Variants in GPC6 observed in about 807,000 individuals in gnomAD.
GPC6 encodes glypican-6.
Under a neutral mutation model 55.2 loss-of-function variants are expected in GPC6, and 14 were observed. The ratio of observed to expected loss-of-function variants is 0.25; its 90% CI spans 0.17 to 0.40. The LOEUF is 0.40. GPC6 is among the 10% of genes least tolerant of loss of function. The pLI is 1.00. For synonymous variants in GPC6, 278 were observed against 259.6 expected, an observed-to-expected ratio of 1.07 and a Z score of -0.68; for missense variants, 641 against 708.5, an observed-to-expected ratio of 0.90 and a Z score of 1.08.
chr13:93,906,140 A>G (rs1876653339), intron 3 of GPC6, among the ~76,000 whole-genome samples: 3 of 152,198 alleles, frequency 2.0e-5, no homozygotes, highest in Non-Finnish European at 1.5e-5. Flanking sequence ...TGGACCCACA[A>G]AAAGTTTGTC....
chr13:93,530,615 C>T (rs911808654), intron 1 of GPC6, among the ~76,000 whole-genome samples: 3 of 151,764 alleles, frequency 2.0e-5, no homozygotes, highest in Admixed American at 1.3e-4. Context: ...TTGTGAGAAC[C>T]GATTGTTAAA....
intron 3 of GPC6, among the ~76,000 whole-genome samples, chr13:93,852,458 A>G (rs1888439298): frequency 1.3e-5 from 2 of 151,712 alleles, no homozygotes; most frequent in African/African-American, 4.8e-5. Context: ...CGAAATAAGC[A>G]CTCCAAATAA....
At chr13:93,708,601 A>T (rs1055753567) in intron 2 of GPC6, among the ~76,000 whole-genome samples, 1 of 151,768 alleles carries the variant, frequency 6.6e-6, no homozygotes, top group African/African-American at 2.4e-5. Context: ...TGAGTGTCCA[A>T]TTCACAGTGT....
chr13:94,247,574 G>T (rs982058160), intron 4 of GPC6, among the ~76,000 whole-genome samples: 4 of 152,020 alleles, frequency 2.6e-5, no homozygotes, highest in Non-Finnish European at 5.9e-5. Flanking sequence ...GTTGAACTTT[G>T]TTACATATTT....
intron 1 of GPC6, among the ~76,000 whole-genome samples, chr13:93,262,250 A>G (rs762372572): frequency 2.6e-5 from 4 of 152,164 alleles, no homozygotes; most frequent in Non-Finnish European, 5.9e-5. Context: ...TTTTGGAAAT[A>G]ATGGCTTCAG....
chr13:94,111,472 ATATAAT>A (rs1444982779), intron 4 of GPC6, among the ~76,000 whole-genome samples: 1 of 64,182 alleles, frequency 1.6e-5, no homozygotes, highest in Non-Finnish European at 2.8e-5. Context: ...CTTAAAGTAA[ATATAAT>A]AATAATAATA....
chr13:94,330,471 G>C (rs968775740), intron 6 of GPC6, among the ~76,000 whole-genome samples: 3 of 152,176 alleles, frequency 2.0e-5, no homozygotes, highest in Non-Finnish European at 4.4e-5. Flanking sequence ...TATTTGGAAA[G>C]CTTCCTAAAG....
intron 3 of GPC6, among the ~76,000 whole-genome samples, chr13:93,935,240 A>C (rs1020470540): frequency 2.0e-5 from 3 of 152,130 alleles, no homozygotes; most frequent in African/African-American, 7.2e-5. Context: ...CCCAAAAGAT[A>C]ATTTTTCAAC....
intron 3 of GPC6, among the ~76,000 whole-genome samples, chr13:93,868,380 A>G (rs1194876234): frequency 1.3e-5 from 2 of 151,790 alleles, no homozygotes; most frequent in Admixed American, 6.6e-5. Flanking sequence ...TCTTTTATTA[A>G]GTTAATAATA....
At chr13:93,880,214 G>A (rs1874872003) in intron 3 of GPC6, among the ~76,000 whole-genome samples, 1 of 150,750 alleles carries the variant, frequency 6.6e-6, no homozygotes, top group Admixed American at 6.6e-5. Context: ...CCCATTACTG[G>A]GTATATACCC....
chr13:93,382,263 T>C (rs979017903), intron 1 of GPC6, among the ~76,000 whole-genome samples: 1 of 152,322 alleles, frequency 6.6e-6, no homozygotes, highest in South Asian at 2.1e-4. Context: ...TCTTGAATCC[T>C]AGAAATGATA....
chr13:93,290,791 A>T (rs1162810520), intron 1 of GPC6, among the ~76,000 whole-genome samples: 2 of 152,166 alleles, frequency 1.3e-5, no homozygotes, highest in Non-Finnish European at 2.9e-5. Context: ...TCTATACATG[A>T]TATGGTCCTA....
At position 93,337,497 on chromosome 13, in the gene GPC6, TA is replaced by T. The variant is rs562751152; in HGVS notation, c.160+109884del. ...CTTATTAAGTGCCATTGTCCTCACT[TA>T]AAGGTAAAAAAAAAAGAAAAAAATC... On this transcript the variant is annotated intron_variant, in intron 1 of 8. Transcript: ENST00000377047. Among the ~76,000 whole-genome samples the T allele has an allele frequency of 2.7e-4, 41 of 150,748 alleles. No individual in the cohort carries two copies. The South Asian group carries it at 8.6e-3, about 32-fold the overall frequency.
At chr13:94,262,015 G>A (rs1336131937) in intron 4 of GPC6, among the ~76,000 whole-genome samples, 1 of 152,198 alleles carries the variant, frequency 6.6e-6, no homozygotes, top group Non-Finnish European at 1.5e-5. Context: ...AAGGAACAAG[G>A]TCCCCTGCAG....
rs74989755 is a variant in GPC6, at chr13:94,039,523, A to C, written c.877+11629A>C. On this transcript the variant is annotated intron_variant, in intron 4 of 8. Transcript: ENST00000377047. Reference sequence around the variant, plus strand: ...TGAGATAAGTGCCTGAGAGAAAGACAGTGCTGTTAGCAAACAGGAAGCTAG... The same window carrying C: ...TGAGATAAGTGCCTGAGAGAAAGACCGTGCTGTTAGCAAACAGGAAGCTAG... Among the ~76,000 whole-genome samples the C allele has an allele frequency of 7.6e-3, 1,155 of 152,054 alleles. 17 individuals are homozygous for C. Among genetic ancestry groups the C allele is most frequent in the African/African-American group, 0.026 (1,063 of 41,530 alleles).
intron 2 of GPC6, among the ~76,000 whole-genome samples, chr13:93,723,309 G>A (rs76571513): frequency 7.2e-4 from 109 of 151,998 alleles, no homozygotes; most frequent in African/African-American, 2.4e-3. Context: ...TGATGCTGAT[G>A]TTTCCTATGG....
At chr13:94,099,587 T>C (rs2138823520) in intron 4 of GPC6, among the ~76,000 whole-genome samples, 1 of 152,324 alleles carries the variant, frequency 6.6e-6, no homozygotes, top group Non-Finnish European at 1.5e-5. Flanking sequence ...AACTAGTTTT[T>C]TATTAAAAGG....
At chr13:93,876,836 G>A (rs1874619798) in intron 3 of GPC6, among the ~76,000 whole-genome samples, 1 of 151,812 alleles carries the variant, frequency 6.6e-6, no homozygotes, top group East Asian at 1.9e-4. Flanking sequence ...ATTTAATATT[G>A]CACATGGTTT....
chr13:93,458,002 GT>G (rs1239088975), intron 1 of GPC6, among the ~76,000 whole-genome samples: 1 of 152,138 alleles, frequency 6.6e-6, no homozygotes, highest in African/African-American at 2.4e-5. Context: ...AAAATGGAAG[GT>G]GCATCTTTAT....
Sources: allele counts gnomAD v4.1 joint callset (sites outside exome capture counted in the v4.1 genomes callset), GRCh38; gene constraint gnomAD v4.1.1; transcripts MANE v1.5; gene names NCBI Gene and HGNC (gene_info 2026-07-23, HGNC 2026-07-21).